The following STAC variants were observed in gnomAD, a reference collection of about 807,000 sequenced individuals.
The protein encoded by STAC is SH3 and cysteine-rich domain-containing protein.
STAC carries 43 observed loss-of-function variants against 48.8 expected under a neutral mutation model. That is an observed-to-expected ratio of 0.88 (90% CI 0.69 to 1.14). STAC has a LOEUF of 1.14. STAC is among the 50% of genes most tolerant of loss of function. The pLI, the probability that STAC is intolerant of heterozygous loss-of-function variation, is 0.00. For synonymous variants in STAC, 193 were observed against 179.5 expected (o/e 1.07, Z -0.60); for missense variants, 497 against 504.0 (o/e 0.99, Z 0.13).
At chr3:36,507,719 T>C (rs577800059) in intron 8 of STAC, among the ~76,000 whole-genome samples, 1 of 152,340 alleles carries the variant, frequency 6.6e-6, no homozygotes, top group Admixed American at 6.5e-5. Context: ...GTGTGTATAG[T>C]ATTCTCTGAT....
chr3:36,546,123 G>C (rs1373827865), intron 10 of STAC, 68 bp from the exon 11 acceptor site: 40 of 1,332,290 alleles, frequency 3.0e-5, no homozygotes, highest in South Asian at 2.3e-4. Flanking sequence ...AGGGATTCAA[G>C]CTGCAGGTTC....
intron 2 of STAC, among the ~76,000 whole-genome samples, chr3:36,451,755 G>A (rs1489063651): frequency 6.6e-6 from 1 of 151,978 alleles, no homozygotes; most frequent in Non-Finnish European, 1.5e-5. Flanking sequence ...CTTTGTGTTG[G>A]GAATATTTCA....
intron 10 of STAC, among the ~76,000 whole-genome samples, chr3:36,530,587 TTTTTTC>T (rs1282379169): frequency 7.0e-6 from 1 of 142,124 alleles, no homozygotes; most frequent in African/African-American, 2.5e-5. Context: ...TTTCTTTTTT[TTTTTTC>T]TTTTTTTTTT....
intron 10 of STAC, among the ~76,000 whole-genome samples, chr3:36,532,320 T>A (rs1699092043): frequency 6.6e-6 from 1 of 152,222 alleles, no homozygotes; most frequent in Non-Finnish European, 1.5e-5. Flanking sequence ...TTCCCTTTTA[T>A]AAAAATTGCT....
At chr3:36,477,992 C>T (rs1055025170) in intron 2 of STAC, among the ~76,000 whole-genome samples, 1 of 152,220 alleles carries the variant, frequency 6.6e-6, no homozygotes, top group African/African-American at 2.4e-5. Context: ...AGTTCTACAA[C>T]AGAAACTGTC....
At chr3:36,527,010 G>A (rs78263941) in intron 8 of STAC, among the ~76,000 whole-genome samples, 1,574 of 152,264 alleles carry the variant, frequency 0.01, 25 homozygotes, top group African/African-American at 0.035. Context: ...CGCACCAATT[G>A]ACACACGCTG....
Position 36,546,571 on chromosome 3 carries a change from T to TC in STAC, c.*287dup, listed in dbSNP as rs1334865236. 14 of 481,944 alleles carry TC rather than the reference T, an allele frequency of 2.9e-5. No homozygotes were observed. The highest frequency in any genetic ancestry group is 4.1e-5 in the Non-Finnish European group (11 of 267,190). The allele number at this position is 481,944 out of a possible 1,614,324, so 29.9% of individuals were successfully genotyped here. Reference sequence around the variant, plus strand: ...GCAGTAGGACTATAAACCACAGCTGTCCCCCAGGATCCCACTCCTTTCCTG... The same window carrying TC: ...GCAGTAGGACTATAAACCACAGCTGTCCCCCCAGGATCCCACTCCTTTCCTG... On this transcript the variant is annotated 3_prime_UTR_variant, in exon 11 of 11. Coordinates refer to ENST00000273183, the MANE Select transcript of STAC (RefSeq NM_003149.3).
chr3:36,534,800 G>A (rs1211239615), intron 10 of STAC, among the ~76,000 whole-genome samples: 1 of 151,658 alleles, frequency 6.6e-6, no homozygotes, highest in African/African-American at 2.4e-5. Flanking sequence ...CAATCAACTG[G>A]GACCACAGGT....
chr3:36,543,110 C>A (rs545483002), intron 10 of STAC, among the ~76,000 whole-genome samples: 1 of 152,022 alleles, frequency 6.6e-6, no homozygotes, highest in African/African-American at 2.4e-5. Flanking sequence ...CTGAGCAAAC[C>A]GAGACAAGTT....
intron 8 of STAC, among the ~76,000 whole-genome samples, chr3:36,506,731 T>C (rs1278205823): frequency 6.6e-6 from 1 of 152,168 alleles, no homozygotes; most frequent in Non-Finnish European, 1.5e-5. Flanking sequence ...TCTCTGTTTA[T>C]TACTGGTGTA....
intron 1 of STAC, among the ~76,000 whole-genome samples, chr3:36,381,377 C>T (rs992064390): frequency 6.6e-6 from 1 of 152,252 alleles, no homozygotes; most frequent in African/African-American, 2.4e-5. Context: ...CGCAGCAGTT[C>T]TCCTGTCACT....
chr3:36,413,737 T>G (rs1055544084), intron 1 of STAC, among the ~76,000 whole-genome samples: 1 of 152,236 alleles, frequency 6.6e-6, no homozygotes, highest in Non-Finnish European at 1.5e-5. Flanking sequence ...CTGGTTATTT[T>G]GCTCATTAGT....
chr3:36,542,999 G>A (rs1002193162), intron 10 of STAC, among the ~76,000 whole-genome samples: 5 of 152,196 alleles, frequency 3.3e-5, no homozygotes, highest in Admixed American at 6.5e-5. Context: ...TGTACCTGAT[G>A]AGTAAAACAT....
intron 6 of STAC, among the ~76,000 whole-genome samples, chr3:36,499,817 A>G (rs961458140): frequency 1.3e-5 from 2 of 152,090 alleles, no homozygotes; most frequent in Non-Finnish European, 2.9e-5. Flanking sequence ...AGAATAAATA[A>G]CTTTTCAGAC....
chr3:36,397,775 A>T (rs1699883810), intron 1 of STAC, among the ~76,000 whole-genome samples: 1 of 152,148 alleles, frequency 6.6e-6, no homozygotes, highest in Non-Finnish European at 1.5e-5. Context: ...AATTTCAAGG[A>T]TTTTATGAGC....
At chr3:36,514,478 T>C (rs1341289982) in intron 8 of STAC, among the ~76,000 whole-genome samples, 4 of 152,098 alleles carry the variant, frequency 2.6e-5, no homozygotes, top group African/African-American at 9.7e-5. Context: ...GATGCCATAG[T>C]TCTCTCAAAC....
intron 1 of STAC, among the ~76,000 whole-genome samples, chr3:36,404,198 C>T (rs1194200643): frequency 6.6e-6 from 1 of 152,132 alleles, no homozygotes; most frequent in Non-Finnish European, 1.5e-5. Context: ...TGAGAAGACT[C>T]AATATTGTAA....
chr3:36,473,404 C>G (rs1348594948), intron 2 of STAC, among the ~76,000 whole-genome samples: 3 of 152,162 alleles, frequency 2.0e-5, no homozygotes, highest in Non-Finnish European at 4.4e-5. Flanking sequence ...GAAATCATGA[C>G]CTCAGGAAAA....
chr3:36,498,709 T>C (rs916032272), intron 6 of STAC, among the ~76,000 whole-genome samples: 1 of 152,060 alleles, frequency 6.6e-6, no homozygotes, highest in African/African-American at 2.4e-5. Flanking sequence ...GCCATGATTA[T>C]GCCACTGTAC....
Sources: allele counts gnomAD v4.1 joint callset (sites outside exome capture counted in the v4.1 genomes callset), GRCh38; gene constraint gnomAD v4.1.1; transcripts MANE v1.5; gene names NCBI Gene and HGNC (gene_info 2026-07-23, HGNC 2026-07-21).